The following ARB2A variants were observed in gnomAD, a reference collection of about 807,000 sequenced individuals.
The protein encoded by ARB2A is cotranscriptional regulator ARB2A.
At chr5:93,678,831 C>T in the ARB2A span, among the ~76,000 whole-genome samples, 1 of 151,922 alleles carries the variant, frequency 6.6e-6, no homozygotes, top group Admixed American at 6.6e-5. Context: ...AATGGCAAGC[C>T]ATTTTGTAAA....
At chr5:93,624,868 AAT>A in the ARB2A span, among the ~76,000 whole-genome samples, 2 of 152,316 alleles carry the variant, frequency 1.3e-5, no homozygotes, top group East Asian at 1.9e-4. Flanking sequence ...TTAGAATTTA[AAT>A]ATGTTTTACA....
chr5:93,776,325 A>G, the ARB2A span: 1 of 1,067,460 alleles, frequency 9.4e-7, no homozygotes, highest in African/African-American at 1.6e-5. Context: ...TTTATCCTAT[A>G]AAATCAACCA....
the ARB2A span, chr5:93,740,405 G>T: frequency 1.5e-6 from 1 of 664,148 alleles, no homozygotes; most frequent in Non-Finnish European, 2.5e-6. Context: ...TTCTCTCCCA[G>T]GTTTTTCTTG....
At chr5:93,739,260 A>C in the ARB2A span, 1 of 152,184 alleles carries the variant, frequency 6.6e-6, no homozygotes. Flanking sequence ...GAAAGAAAGA[A>C]AGAAACTAAG....
chr5:93,971,365 C>T, the ARB2A span, among the ~76,000 whole-genome samples: 2 of 151,890 alleles, frequency 1.3e-5, no homozygotes, highest in Admixed American at 6.6e-5. Flanking sequence ...ATCAGGCGTT[C>T]GAAACCAGCC....
At chr5:93,932,740 C>T in the ARB2A span, among the ~76,000 whole-genome samples, 1 of 152,068 alleles carries the variant, frequency 6.6e-6, no homozygotes, top group South Asian at 2.1e-4. Flanking sequence ...TTTTATTCAA[C>T]AACAATTTTT....
the ARB2A span, among the ~76,000 whole-genome samples, chr5:93,886,848 A>G: frequency 4.6e-5 from 7 of 151,802 alleles, 1 homozygote; most frequent in Non-Finnish European, 1.0e-4. Flanking sequence ...ATGTTCTCAT[A>G]ACCATACTTT....
chr5:93,639,528 C>T, the ARB2A span, among the ~76,000 whole-genome samples: 1 of 151,952 alleles, frequency 6.6e-6, no homozygotes, highest in Non-Finnish European at 1.5e-5. Context: ...ATTTACTTTA[C>T]ATCACTAATA....
the ARB2A span, among the ~76,000 whole-genome samples, chr5:94,006,835 G>T: frequency 6.6e-6 from 1 of 152,134 alleles, no homozygotes; most frequent in East Asian, 1.9e-4. Context: ...AGCTTTCGGA[G>T]CAACAGCAAT....
chr5:93,910,146 C>T, the ARB2A span, among the ~76,000 whole-genome samples: 1 of 150,660 alleles, frequency 6.6e-6, no homozygotes, highest in Admixed American at 6.6e-5. Context: ...AATTAAATGA[C>T]AAAACAAAAT....
the ARB2A span, among the ~76,000 whole-genome samples, chr5:93,953,348 G>A: frequency 6.6e-6 from 1 of 152,118 alleles, no homozygotes; most frequent in Non-Finnish European, 1.5e-5. Flanking sequence ...TATGTTTTTG[G>A]TCCCTGCAGC....
At chr5:94,034,103 C>T in the ARB2A span, among the ~76,000 whole-genome samples, 1 of 152,214 alleles carries the variant, frequency 6.6e-6, no homozygotes, top group African/African-American at 2.4e-5. Context: ...ATGCTTCTTG[C>T]ACTTCCCAGC....
the ARB2A span, among the ~76,000 whole-genome samples, chr5:93,650,825 TA>T: frequency 0.012 from 1,536 of 127,282 alleles, 5 homozygotes; most frequent in South Asian, 0.025. Context: ...CTTTCTCTAC[TA>T]AAAAAAAAAA....
At chr5:93,834,935 G>A in the ARB2A span, among the ~76,000 whole-genome samples, 1 of 152,102 alleles carries the variant, frequency 6.6e-6, no homozygotes, top group Non-Finnish European at 1.5e-5. Flanking sequence ...TATTCCACAG[G>A]CTTCCCCATG....
chr5:93,641,191 T>C, the ARB2A span, among the ~76,000 whole-genome samples: 30,654 of 150,016 alleles, frequency 0.2, 4,558 homozygotes, highest in African/African-American at 0.41. Flanking sequence ...CAGAGGGAGA[T>C]TCTGACTCAA....
chr5:93,680,242 A>G, the ARB2A span, among the ~76,000 whole-genome samples: 3 of 152,286 alleles, frequency 2.0e-5, no homozygotes, highest in Non-Finnish European at 4.4e-5. Context: ...TAAATACTTA[A>G]AAACTCTTGT....
At chr5:93,807,848 A>T in the ARB2A span, among the ~76,000 whole-genome samples, 14 of 152,160 alleles carry the variant, frequency 9.2e-5, no homozygotes, top group African/African-American at 3.1e-4. Context: ...TATCCTTGCA[A>T]AAAGGGCCTA....
the ARB2A span, among the ~76,000 whole-genome samples, chr5:94,026,245 C>A: frequency 6.6e-6 from 1 of 152,094 alleles, no homozygotes; most frequent in African/African-American, 2.4e-5. Context: ...CCAGGGCTGG[C>A]TTGGCCCTGC....
the ARB2A span, among the ~76,000 whole-genome samples, chr5:93,684,699 C>T: frequency 3.3e-5 from 5 of 151,962 alleles, no homozygotes; most frequent in Non-Finnish European, 7.4e-5. Context: ...TCACACAGTC[C>T]CTTGGAGAAT....
Sources: gnomAD v4.1 joint callset for allele counts (sites outside exome capture counted in the v4.1 genomes callset) on GRCh38, gnomAD v4.1.1 for gene constraint, MANE v1.5 for transcripts, NCBI Gene and HGNC (gene_info 2026-07-23, HGNC 2026-07-21) for gene names.